The following NEDD4L variants were observed in gnomAD, a reference collection of about 807,000 sequenced individuals.
The protein encoded by NEDD4L is NEDD4 like E3 ubiquitin protein ligase.
In NEDD4L, 54 loss-of-function variants were observed where a neutral mutation model predicts 148.9. The observed-to-expected ratio is 0.36, with a 90% CI of 0.29 to 0.45. The LOEUF is 0.45. NEDD4L is among the 20% of genes least tolerant of loss of function. NEDD4L has a pLI of 1.00. For synonymous variants in NEDD4L, 433 were observed against 440.7 expected (o/e 0.98, Z 0.22); for missense variants, 856 against 1,233.8 (o/e 0.69, Z 4.59).
At chr18:58,216,215 C>T (rs990154666) in intron 2 of NEDD4L, among the ~76,000 whole-genome samples, 6 of 151,762 alleles carry the variant, frequency 4.0e-5, no homozygotes, top group Middle Eastern at 3.4e-3. Context: ...TAGAGAGGCA[C>T]GTGAAAGTGA....
intron 2 of NEDD4L, among the ~76,000 whole-genome samples, chr18:58,203,270 A>T (rs999980168): frequency 1.3e-5 from 2 of 152,168 alleles, no homozygotes; most frequent in Admixed American, 6.5e-5. Flanking sequence ...CCTGGCCCTC[A>T]GTGCATACTT....
At chr18:58,204,715 T>C (rs1006075182) in intron 2 of NEDD4L, among the ~76,000 whole-genome samples, 1 of 152,224 alleles carries the variant, frequency 6.6e-6, no homozygotes, top group African/African-American at 2.4e-5. Context: ...AAAATAAGTT[T>C]AGATAGTCCA....
chr18:58,289,071 T>C (rs2054325495), intron 5 of NEDD4L, among the ~76,000 whole-genome samples: 1 of 152,210 alleles, frequency 6.6e-6, no homozygotes, highest in East Asian at 1.9e-4. Flanking sequence ...TTACTTTAAC[T>C]AGATCACTTG....
chr18:58,350,463 A>G (rs971371989), intron 17 of NEDD4L, among the ~76,000 whole-genome samples: 1 of 152,210 alleles, frequency 6.6e-6, no homozygotes, highest in Non-Finnish European at 1.5e-5. Context: ...GATAGCAAAT[A>G]TGGATAGTTC....
intron 3 of NEDD4L, among the ~76,000 whole-genome samples, chr18:58,246,813 TAA>T (rs1491369186): frequency 6.6e-6 from 1 of 152,204 alleles, no homozygotes; most frequent in Non-Finnish European, 1.5e-5. Flanking sequence ...TAGACATATG[TAA>T]TATATATATA....
chr18:58,309,363 A>G (rs186097205), intron 5 of NEDD4L, among the ~76,000 whole-genome samples: 1 of 152,118 alleles, frequency 6.6e-6, no homozygotes, highest in Non-Finnish European at 1.5e-5. Flanking sequence ...GCCTTCCCTC[A>G]GCAGAATCTG....
intron 19 of NEDD4L, among the ~76,000 whole-genome samples, chr18:58,361,866 A>C (rs751466590): frequency 1.4e-5 from 2 of 147,546 alleles, no homozygotes; most frequent in African/African-American, 2.6e-5. Flanking sequence ...AAGTGAGAAC[A>C]AATGATTTGG....
intron 2 of NEDD4L, among the ~76,000 whole-genome samples, chr18:58,166,850 G>A (rs7244907): frequency 6.6e-6 from 1 of 152,080 alleles, no homozygotes; most frequent in Non-Finnish European, 1.5e-5. Flanking sequence ...CAGTGCCCCT[G>A]CCTGACACTG....
At chr18:58,228,311 G>C (rs1454405884) in intron 2 of NEDD4L, among the ~76,000 whole-genome samples, 1 of 152,222 alleles carries the variant, frequency 6.6e-6, no homozygotes, top group African/African-American at 2.4e-5. Context: ...GGGCCAGGAA[G>C]CCTTCCCAGA....
intron 16 of NEDD4L, among the ~76,000 whole-genome samples, chr18:58,348,326 C>CTTT (rs771263533): frequency 6.7e-4 from 59 of 88,638 alleles, no homozygotes; most frequent in East Asian, 1.9e-3. Flanking sequence ...TCTTTTTTTT[C>CTTT]TTTTTTTTTT....
intron 5 of NEDD4L, among the ~76,000 whole-genome samples, chr18:58,279,600 C>G (rs1275852563): frequency 6.6e-6 from 1 of 152,170 alleles, no homozygotes; most frequent in Non-Finnish European, 1.5e-5. Flanking sequence ...CTTCCCTATG[C>G]AGTGGTGTCA....
intron 1 of NEDD4L, among the ~76,000 whole-genome samples, chr18:58,080,492 C>CTA (rs1000725187): frequency 6.6e-6 from 1 of 152,142 alleles, no homozygotes; most frequent in Admixed American, 6.5e-5. Context: ...AGGTGAGAGG[C>CTA]TATATATTCA....
intron 5 of NEDD4L, among the ~76,000 whole-genome samples, chr18:58,300,015 G>A (rs574454767): frequency 3.7e-4 from 56 of 152,288 alleles, no homozygotes; most frequent in African/African-American, 1.3e-3. Flanking sequence ...ACTTTGAAAA[G>A]TAAAATCAGC....
At chr18:58,364,663 G>A (rs931487726) in intron 20 of NEDD4L, among the ~76,000 whole-genome samples, 5 of 152,082 alleles carry the variant, frequency 3.3e-5, no homozygotes, top group African/African-American at 7.2e-5. Flanking sequence ...TCAATTATGC[G>A]CAGTTATCAT....
intron 1 of NEDD4L, among the ~76,000 whole-genome samples, chr18:58,122,281 C>T (rs112099541): frequency 4.3e-4 from 66 of 152,286 alleles, no homozygotes; most frequent in African/African-American, 1.5e-3. Flanking sequence ...GGGTGGATCA[C>T]CTGAGGTCAG....
At position 58,345,923 on chromosome 18, in the gene NEDD4L, G is replaced by GTTTTTTTTT. The variant is rs72089117; in HGVS notation, c.1575+2826_1575+2827insTTTTTTTTT. On this transcript the variant is annotated intron_variant, in intron 16 of 30. Transcript: ENST00000400345. ...CACCAGCTAATTTTTGTTGTTTTTT[G>GTTTTTTTTT]TTTTTTGTTTTTTTTAGCACAGACA... Among the ~76,000 whole-genome samples, 10 of 136,018 alleles carry GTTTTTTTTT rather than the reference G, an allele frequency of 7.4e-5. 1 individual carries two copies. The highest frequency in any genetic ancestry group is 1.1e-4 in the Non-Finnish European group (7 of 63,924). The allele number at this position is 136,018 out of a possible 152,430, so 89.2% of individuals were successfully genotyped here.
intron 5 of NEDD4L, among the ~76,000 whole-genome samples, chr18:58,313,117 C>G (rs1476535604): frequency 6.6e-6 from 1 of 152,234 alleles, no homozygotes; most frequent in African/African-American, 2.4e-5. Flanking sequence ...TGGTGAAACA[C>G]TAGTTTAAGC....
chr18:58,325,914 A>C (rs2059270406), intron 9 of NEDD4L, among the ~76,000 whole-genome samples: 1 of 152,216 alleles, frequency 6.6e-6, no homozygotes. Flanking sequence ...AGAAAGTCTT[A>C]AGGAAAAGGA....
rs2043600821 is a variant in NEDD4L at position 58,349,550 on chromosome 18, T to G, written c.1589T>G (p.Leu530Trp). The G allele has an allele frequency of 1.9e-6, 3 of 1,613,900 alleles. No homozygotes were observed. Among genetic ancestry groups the G allele is most frequent in the Non-Finnish European group, 1.7e-6 (2 of 1,179,752 alleles). Reference sequence around the variant, plus strand: ...TTTTTCTTGCAGGAAGATCCACGTTTGAAATTTCCAGTACATATGCGGTCA... The same window carrying G: ...TTTTTCTTGCAGGAAGATCCACGTTGGAAATTTCCAGTACATATGCGGTCA... ...TKTTTWEDPR[L>W]KFPVHMRSKT... The change falls in exon 17 of 31, where the codon TTG becomes TGG. Residue 530 changes from leucine (L) to tryptophan (W), a missense_variant. Transcript: ENST00000400345.
Sources: gnomAD v4.1 joint callset for allele counts (sites outside exome capture counted in the v4.1 genomes callset) on GRCh38, gnomAD v4.1.1 for gene constraint, MANE v1.5 for transcripts, NCBI Gene and HGNC (gene_info 2026-07-23, HGNC 2026-07-21) for gene names.